MAD1L1: variants seen among roughly 807,000 people sequenced by gnomAD.
MAD1L1 encodes mitotic spindle assembly checkpoint protein MAD1.
MAD1L1 carries 95 observed loss-of-function variants against 96.9 expected under a neutral mutation model. The ratio of observed to expected loss-of-function variants is 0.98; its 90% CI spans 0.83 to 1.16. The LOEUF (loss-of-function observed/expected upper bound fraction) is 1.16. Ranked by LOEUF, MAD1L1 falls within the 50% of genes most tolerant of loss-of-function variation. The pLI is 0.00. For missense variants in MAD1L1, 1,007 were observed against 954.4 expected (o/e 1.06, Z -0.73); for synonymous variants, 473 against 396.6 (o/e 1.19, Z -2.29).
At chr7:2,040,074 T>C (rs1783607322) in intron 12 of MAD1L1, among the ~76,000 whole-genome samples, 1 of 151,612 alleles carries the variant, frequency 6.6e-6, no homozygotes, top group Admixed American at 6.6e-5. Flanking sequence ...CAGTTGGGAG[T>C]GAAAGAGACA....
rs375202639 is a variant in MAD1L1, at chr7:2,114,877, G to A, written c.1073+34275C>T. ...GGCCCACAGGTAGTTCTGGGATCTC[G>A]GTAAGAATCTGCTTTGCAAACACAA... On this transcript the variant is annotated intron_variant, in intron 11 of 18. Transcript: ENST00000265854. This position sits in a 1 kb window ranked among gnomAD's most constrained non-coding sequence, Gnocchi z 4.2. Among the ~76,000 whole-genome samples the A allele has an allele frequency of 1.2e-4, 18 of 152,166 alleles. No individual in the cohort carries two copies. Among genetic ancestry groups the A allele is most frequent in the Admixed American group, 2.6e-4 (4 of 15,264 alleles).
Position 2,002,865 on chromosome 7 carries a change from G to A in MAD1L1, c.1360-744C>T, listed in dbSNP as rs142273067. Among the ~76,000 whole-genome samples the A allele has an allele frequency of 6.3e-3, 963 of 152,290 alleles. 16 individuals are homozygous for A. The highest frequency in any genetic ancestry group is 0.022 in the African/African-American group (916 of 41,570). On this transcript the variant is annotated intron_variant, in intron 13 of 18. Coordinates refer to ENST00000265854, the MANE Select transcript of MAD1L1 (RefSeq NM_001013836.2). ...GGGGCTCAGGACCTCGGAGACCCCC[G>A]CCCTGGGCCTCTGCCCCTGCGGTTC...
At chr7:1,874,386 A>ACCGGGACGGGGGTAAGACGGTGG (rs1785267209) in intron 18 of MAD1L1, 1 of 383,716 alleles carries the variant, frequency 2.6e-6, no homozygotes, top group Admixed American at 3.3e-5. Context: ...TTGCAGCAGC[A>ACCGGGACGGGGGTAAGACGGTGG]CCGGGACGGG....
chr7:2,108,303 C>A (rs1007350412), intron 11 of MAD1L1, among the ~76,000 whole-genome samples: 6 of 152,148 alleles, frequency 3.9e-5, no homozygotes, highest in Non-Finnish European at 5.9e-5. Context: ...GTAAAAAGAG[C>A]GCTCCGACGG....
intron 10 of MAD1L1, 81 bp from the exon 11 acceptor site, chr7:2,149,319 A>C: frequency 9.0e-7 from 1 of 1,105,750 alleles, no homozygotes; most frequent in Non-Finnish European, 1.4e-6. Flanking sequence ...AGAAGGCCAA[A>C]AGCAACCTCT....
intron 15 of MAD1L1, among the ~76,000 whole-genome samples, chr7:1,959,499 G>C (rs6949997): frequency 0.93 from 141,383 of 152,246 alleles, 66,520 homozygotes; most frequent in East Asian, 1. Context: ...GCCCAGGAAA[G>C]AAGACGCTGG....
chr7:1,931,223 G>A (rs1239088578), intron 17 of MAD1L1, among the ~76,000 whole-genome samples: 1 of 148,310 alleles, frequency 6.7e-6, no homozygotes, highest in Non-Finnish European at 1.5e-5. Flanking sequence ...CTGACACCAC[G>A]GGAACACCCC....
intron 12 of MAD1L1, among the ~76,000 whole-genome samples, chr7:2,036,713 C>T (rs142137754): frequency 0.013 from 1,938 of 152,250 alleles, 30 homozygotes; most frequent in African/African-American, 0.044. Context: ...GTGTGCCTGT[C>T]CCACCTCCCC....
At chr7:1,856,737 G>T (rs61252329) in intron 18 of MAD1L1, among the ~76,000 whole-genome samples, 48,111 of 152,094 alleles carry the variant, frequency 0.32, 8,154 homozygotes, top group Middle Eastern at 0.4. Context: ...TCCTGCCAGC[G>T]GCAGGGCCCA....
intron 10 of MAD1L1, among the ~76,000 whole-genome samples, chr7:2,170,951 G>T (rs1400614707): frequency 3.3e-5 from 5 of 152,162 alleles, no homozygotes; most frequent in Admixed American, 6.5e-5. Flanking sequence ...CACATGGGGG[G>T]TTGGCGGTTA....
At chr7:1,911,999 C>G (rs546782132) in intron 17 of MAD1L1, among the ~76,000 whole-genome samples, 7 of 152,242 alleles carry the variant, frequency 4.6e-5, no homozygotes, top group Non-Finnish European at 8.8e-5. Context: ...GGGCTGGGTT[C>G]CACATCCCCT....
intron 13 of MAD1L1, among the ~76,000 whole-genome samples, chr7:2,013,930 G>A (rs1221620573): frequency 2.0e-5 from 3 of 152,222 alleles, no homozygotes; most frequent in African/African-American, 4.8e-5. Flanking sequence ...CATGGGGCAG[G>A]GAAAAGGCAG....
chr7:2,108,788 G>A (rs1027166244), intron 11 of MAD1L1, among the ~76,000 whole-genome samples: 6 of 152,180 alleles, frequency 3.9e-5, no homozygotes, highest in South Asian at 2.1e-4. Flanking sequence ...GCTCAGCCTC[G>A]AGCTCCTTCT....
At chr7:2,022,477 A>T (rs1782830089) in intron 12 of MAD1L1, among the ~76,000 whole-genome samples, 1 of 152,164 alleles carries the variant, frequency 6.6e-6, no homozygotes, top group Non-Finnish European at 1.5e-5. Context: ...CTAAAAATAC[A>T]AAAATTAGCC....
intron 18 of MAD1L1, among the ~76,000 whole-genome samples, chr7:1,861,276 T>C (rs1047918554): frequency 6.6e-6 from 1 of 152,060 alleles, no homozygotes; most frequent in Non-Finnish European, 1.5e-5. Flanking sequence ...GGTCCCCCTC[T>C]AGGCAAGGGC....
chr7:2,165,303 G>C (rs1639899), intron 10 of MAD1L1, among the ~76,000 whole-genome samples: 5,879 of 152,334 alleles, frequency 0.039, 275 homozygotes, highest in African/African-American at 0.11. Flanking sequence ...TGAAGGGCTG[G>C]ACTGGGGGGA....
intron 18 of MAD1L1, among the ~76,000 whole-genome samples, chr7:1,871,685 C>T (rs904708100): frequency 1.3e-5 from 2 of 151,350 alleles, no homozygotes; most frequent in African/African-American, 4.9e-5. Flanking sequence ...CCACGCTGAA[C>T]CCAACATAAC....
At position 2,230,155 on chromosome 7, in the gene MAD1L1, A is replaced by G. The variant is rs775737413; in HGVS notation, c.-10-12T>C. The G allele has an allele frequency of 1.9e-6, 3 of 1,573,504 alleles. No individual in the cohort carries two copies. The highest frequency in any genetic ancestry group is 2.3e-5 in the East Asian group (1 of 42,918). On this transcript the variant is annotated splice_polypyrimidine_tract_variant and intron_variant, in intron 2 of 18. Coordinates refer to ENST00000265854, the MANE Select transcript of MAD1L1 (RefSeq NM_001013836.2). ...CCATGGTTGCTTTCCTTCCGGGGAC[A>G]GACAAAGGACTGGTCAGGGGCAGCC...
At chr7:2,052,242 G>C (rs1049925262) in intron 12 of MAD1L1, among the ~76,000 whole-genome samples, 7 of 152,216 alleles carry the variant, frequency 4.6e-5, no homozygotes, top group Non-Finnish European at 8.8e-5. Context: ...GCCATGGCAT[G>C]ACTCCATATG....
Sources: gnomAD v4.1 joint callset for allele counts (sites outside exome capture counted in the v4.1 genomes callset) on GRCh38, gnomAD v4.1.1 for gene constraint, Gnocchi (gnomAD v3.1) non-coding constraint, MANE v1.5 for transcripts, NCBI Gene and HGNC (gene_info 2026-07-23, HGNC 2026-07-21) for gene names.